Variants in SRGAP2B observed in about 807,000 individuals in gnomAD.
SRGAP2B encodes SLIT-ROBO Rho GTPase activating protein 2B.
SRGAP2B carries 9 observed loss-of-function variants against 22.2 expected under a neutral mutation model. The observed-to-expected ratio is 0.41, with a 90% CI of 0.24 to 0.71. SRGAP2B has a LOEUF of 0.71. Among genes scored for constraint, SRGAP2B ranks in the 30% least tolerant of loss-of-function variants. The probability of loss-of-function intolerance (pLI) is 0.35; values close to 1 mark genes in which losing one functional copy is unlikely to be tolerated. For synonymous variants in SRGAP2B, 36 were observed against 87.4 expected, an observed-to-expected ratio of 0.41 and a Z score of 3.28; for missense variants, 114 against 235.8, an observed-to-expected ratio of 0.48 and a Z score of 3.38.
chr1:144,969,390 G>T (rs1553612837), intron 3 of SRGAP2B, among the ~76,000 whole-genome samples: 5 of 117,132 alleles, frequency 4.3e-5, no homozygotes, highest in African/African-American at 8.1e-5. Flanking sequence ...ACAAGCAATG[G>T]GGAAAGGATT....
chr1:145,068,953 G>GTA (rs1253612483), intron 2 of SRGAP2B, among the ~76,000 whole-genome samples: 12 of 135,186 alleles, frequency 8.9e-5, no homozygotes, highest in Admixed American at 1.5e-4. Context: ...GTGTGTATGT[G>GTA]TATATATATA....
At chr1:144,958,312 C>T (rs587701731) in intron 3 of SRGAP2B, among the ~76,000 whole-genome samples, 1 of 151,140 alleles carries the variant, frequency 6.6e-6, no homozygotes, top group East Asian at 1.9e-4. Flanking sequence ...AACAGGATGG[C>T]TGGAAGTAGA....
intron 2 of SRGAP2B, among the ~76,000 whole-genome samples, chr1:145,040,514 T>C: frequency 6.6e-6 from 1 of 150,884 alleles, no homozygotes; most frequent in Non-Finnish European, 1.5e-5. Context: ...TTCTGGGCCA[T>C]ATGTTCTCTG....
At chr1:145,006,936 T>C (rs1263849663) in intron 2 of SRGAP2B, among the ~76,000 whole-genome samples, 1 of 150,794 alleles carries the variant, frequency 6.6e-6, no homozygotes, top group Non-Finnish European at 1.5e-5. Context: ...TGAATTTTAA[T>C]TGTAGTTCTG....
intron 4 of SRGAP2B, among the ~76,000 whole-genome samples, chr1:144,954,815 G>A: frequency 6.7e-6 from 1 of 150,192 alleles, no homozygotes; most frequent in Middle Eastern, 3.4e-3. Flanking sequence ...AGTTCCGAAA[G>A]CATTCAGAGA....
chr1:144,906,107 G>A, intron 5 of SRGAP2B, 33 bp from the exon 6 acceptor site: 2 of 710,072 alleles, frequency 2.8e-6, no homozygotes, highest in East Asian at 2.7e-5. Flanking sequence ...ACCCCCAGAG[G>A]TCAAGCCAAG....
At chr1:145,009,176 CAA>C (rs375032281) in intron 2 of SRGAP2B, among the ~76,000 whole-genome samples, 875 of 59,428 alleles carry the variant, frequency 0.015, 10 homozygotes, top group African/African-American at 0.041. Flanking sequence ...GACTCCGTCT[CAA>C]AAAAAAAAAA....
At chr1:144,944,660 T>C (rs1193337763) in intron 4 of SRGAP2B, among the ~76,000 whole-genome samples, 1 of 145,980 alleles carries the variant, frequency 6.9e-6, no homozygotes, top group Non-Finnish European at 1.5e-5. Flanking sequence ...GCATCTTAGG[T>C]GAACAAAAGA....
In SRGAP2B at chr1:145,066,959, AT is replaced by A. The variant is rs1553632461; in HGVS notation, c.67+25875del. Among the ~76,000 whole-genome samples the A allele has an allele frequency of 4.0e-5, 6 of 148,268 alleles. No homozygotes were observed. In the South Asian group the frequency reaches 1.3e-3, roughly 32 times the overall value. On this transcript the variant is annotated intron_variant, in intron 2 of 9. Coordinates refer to ENST00000612199, the Ensembl canonical transcript of SRGAP2B. ...AAGTGAGCAGACTTAACTAAAAGGGATTGTGATGATCTACTCCAACAATTTC... is the reference window on the plus strand; with the variant it reads ...AAGTGAGCAGACTTAACTAAAAGGGATGTGATGATCTACTCCAACAATTTC...
Position 144,973,805 on chromosome 1 carries a change from G to A in SRGAP2B, c.261-18204C>T, listed in dbSNP as rs587659754. ...CTGAAAGCAATGGTGTGGGTCCAAT[G>A]TCACTGCTTTCCAAGGAACACACTC... On this transcript the variant is annotated intron_variant, in intron 3 of 9. Coordinates refer to ENST00000612199, the Ensembl canonical transcript of SRGAP2B. 9.1e-4 allele frequency among the ~76,000 whole-genome samples: 119 copies of A among 130,456 alleles called. 2 individuals carry two copies. The highest frequency in any genetic ancestry group is 1.6e-3 in the Non-Finnish European group (99 of 62,954). The allele number at this position is 130,456 out of a possible 152,430, so 85.6% of individuals were successfully genotyped here. A position where few individuals can be genotyped will look rare whatever the true frequency, so the allele number is the denominator to read the frequency against.
chr1:144,996,172 G>C (rs1670662555), intron 2 of SRGAP2B, among the ~76,000 whole-genome samples: 1 of 150,990 alleles, frequency 6.6e-6, no homozygotes, highest in Non-Finnish European at 1.5e-5. Context: ...AAGAGACCTG[G>C]CACTCATAGG....
chr1:145,006,092 C>A (rs1411889109), intron 2 of SRGAP2B, among the ~76,000 whole-genome samples: 1 of 150,834 alleles, frequency 6.6e-6, no homozygotes, highest in African/African-American at 2.5e-5. Context: ...TTGCCTTCTA[C>A]CCCTGCGGCG....
At chr1:145,009,441 A>T (rs1671874113) in intron 2 of SRGAP2B, among the ~76,000 whole-genome samples, 1 of 147,626 alleles carries the variant, frequency 6.8e-6, no homozygotes, top group South Asian at 2.1e-4. Flanking sequence ...ACAAAAAATT[A>T]GCCGGGCGTA....
chr1:144,916,131 G>A (rs1171529096), intron 4 of SRGAP2B, among the ~76,000 whole-genome samples: 1 of 150,288 alleles, frequency 6.7e-6, no homozygotes, highest in Non-Finnish European at 1.5e-5. Context: ...AAGGAAACTA[G>A]AAACCTCAAA....
chr1:144,969,595 A>G (rs1668349033), intron 3 of SRGAP2B, among the ~76,000 whole-genome samples: 1 of 147,906 alleles, frequency 6.8e-6, no homozygotes, highest in African/African-American at 2.6e-5. Flanking sequence ...CAAGGACTTC[A>G]TGTCCAAAAC....
intron 4 of SRGAP2B, among the ~76,000 whole-genome samples, chr1:144,945,718 G>C (rs1169885441): frequency 1.9e-4 from 27 of 144,336 alleles, no homozygotes; most frequent in African/African-American, 6.9e-4. Flanking sequence ...GAAGGCAAGT[G>C]AATTACATAT....
chr1:144,912,116 A>ATT lies in SRGAP2B; in HGVS notation c.486+2574_486+2575dup, dbSNP rs1157778341. 1.2e-4 allele frequency among the ~76,000 whole-genome samples: 18 copies of ATT among 146,084 alleles called. 1 individual carries two copies. Among genetic ancestry groups the ATT allele is most frequent in the African/African-American group, 4.8e-4 (18 of 37,724 alleles). On this transcript the variant is annotated intron_variant, in intron 5 of 9. Transcript: ENST00000612199. The stretch of plus-strand genomic sequence containing the variant: ...CAGGCACCCGCCACCATGCCCAGCT[A>ATT]TTTTTTTTTGTATTTTTAGTAGAGA...
At chr1:145,041,091 A>ATATAGTG (rs1296858305) in intron 2 of SRGAP2B, among the ~76,000 whole-genome samples, 4 of 121,898 alleles carry the variant, frequency 3.3e-5, no homozygotes, top group Non-Finnish European at 1.7e-5. Context: ...ATATATATAT[A>ATATAGTG]TATATATATA....
chr1:144,948,022 AGTCT>A (rs1344864634), intron 4 of SRGAP2B, among the ~76,000 whole-genome samples: 1 of 92,906 alleles, frequency 1.1e-5, no homozygotes, highest in Non-Finnish European at 2.1e-5. Context: ...AATATGATAA[AGTCT>A]GTCTAATGTA....
Sources: allele counts gnomAD v4.1 joint callset (sites outside exome capture counted in the v4.1 genomes callset), GRCh38; gene constraint gnomAD v4.1.1; transcripts MANE v1.5; gene names NCBI Gene and HGNC (gene_info 2026-07-23, HGNC 2026-07-21).